IMMP2L: variants seen among roughly 807,000 people sequenced by gnomAD.
The protein encoded by IMMP2L is mitochondrial inner membrane protease subunit 2.
A neutral mutation model predicts 19.3 loss-of-function variants in IMMP2L; 18 were observed. The observed-to-expected ratio is 0.93, with a 90% CI of 0.64 to 1.38. IMMP2L has a LOEUF of 1.38. Among genes scored for constraint, IMMP2L ranks in the 40% most tolerant of loss-of-function variants. The pLI, the probability that IMMP2L is intolerant of heterozygous loss-of-function variation, is 0.00. For synonymous variants in IMMP2L, 76 were observed against 73.0 expected (o/e 1.04, Z -0.21); for missense variants, 233 against 218.2 (o/e 1.07, Z -0.43).
intron 3 of IMMP2L, among the ~76,000 whole-genome samples, chr7:111,104,771 C>A (rs1798358618): frequency 6.6e-6 from 1 of 151,774 alleles, no homozygotes; most frequent in African/African-American, 2.4e-5. Context: ...CACTTCCTAT[C>A]AAATTAAAAA....
At chr7:111,344,159 C>A (rs1403356660) in intron 3 of IMMP2L, among the ~76,000 whole-genome samples, 1 of 152,222 alleles carries the variant, frequency 6.6e-6, no homozygotes, top group East Asian at 1.9e-4. Context: ...CTTAAAATCT[C>A]TCTCAATGAC....
intron 3 of IMMP2L, among the ~76,000 whole-genome samples, chr7:111,121,445 A>G (rs889835271): frequency 1.3e-5 from 2 of 152,222 alleles, no homozygotes; most frequent in African/African-American, 4.8e-5. Flanking sequence ...TTCTCAAAAG[A>G]AGACATTTAT....
intron 3 of IMMP2L, among the ~76,000 whole-genome samples, chr7:111,424,380 C>T (rs1357732467): frequency 6.6e-6 from 1 of 151,704 alleles, no homozygotes; most frequent in Non-Finnish European, 1.5e-5. Context: ...CGTTAATACT[C>T]AGTGTTTGGC....
rs1223596413 is a variant in IMMP2L at position 111,451,283 on chromosome 7, T to C, written c.239+35955A>G. Reference sequence around the variant, plus strand: ...CACACGTATGTTTATTGCGGCATTATTCACAATAGCAAAGACTTGGAACCA... The same window carrying C: ...CACACGTATGTTTATTGCGGCATTACTCACAATAGCAAAGACTTGGAACCA... On this transcript the variant is annotated intron_variant, in intron 3 of 5. Transcript: ENST00000405709. 4.0e-5 allele frequency among the ~76,000 whole-genome samples: 6 copies of C among 150,172 alleles called. No homozygotes were observed. In the East Asian group the frequency reaches 1.2e-3, roughly 29 times the overall value.
At chr7:111,441,720 T>TAAA (rs11312650) in intron 3 of IMMP2L, among the ~76,000 whole-genome samples, 20 of 138,246 alleles carry the variant, frequency 1.4e-4, no homozygotes, top group Admixed American at 6.5e-4. Flanking sequence ...TTCAACTTGT[T>TAAA]AAAAAAAAAA....
At position 111,123,788 on chromosome 7, in the gene IMMP2L, T is replaced by C; in HGVS notation, c.240-160223A>G. ...TTCAGACTCCCCAAGCTGGAATCAC[T>C]CATGCTGAACAGCAATGCTCTCAGT... On this transcript the variant is annotated intron_variant, in intron 3 of 5. Transcript: ENST00000405709. This position sits in a 1 kb window ranked among gnomAD's most constrained non-coding sequence, Gnocchi z 6.4. The C allele has an allele frequency of 6.2e-7, 1 of 1,613,996 alleles. No homozygotes were observed. The highest frequency in any genetic ancestry group is 8.5e-7 in the Non-Finnish European group (1 of 1,179,972).
At position 110,906,057 on chromosome 7, in the gene IMMP2L, G is replaced by A. The variant is rs17158140; in HGVS notation, c.306-19362C>T. On this transcript the variant is annotated intron_variant, in intron 4 of 5. Coordinates refer to ENST00000405709, the MANE Select transcript of IMMP2L (RefSeq NM_032549.4). ...TTGTGACCAAATCTGAGTACAGAAC[G>A]ATTCTAGATTTTTACAAATTTTTCC... is the stretch of plus-strand genomic sequence containing the variant. Among the ~76,000 whole-genome samples, 327 of 152,170 alleles carry A rather than the reference G, an allele frequency of 2.1e-3. 8 individuals are homozygous for A. In the East Asian group the frequency reaches 0.035, roughly 16 times the overall value.
At chr7:110,797,825 C>T (rs1467655428) in intron 5 of IMMP2L, among the ~76,000 whole-genome samples, 2 of 151,952 alleles carry the variant, frequency 1.3e-5, no homozygotes, top group African/African-American at 2.4e-5. Context: ...CATGAAGGAT[C>T]GCAGTGCATG....
intron 5 of IMMP2L, among the ~76,000 whole-genome samples, chr7:110,735,819 C>T (rs1365407744): frequency 8.3e-6 from 1 of 121,064 alleles, no homozygotes; most frequent in South Asian, 2.9e-4. Flanking sequence ...TGCACTCCAG[C>T]CTGGGTGACA....
At chr7:110,866,839 T>G (rs771215643) in intron 5 of IMMP2L, among the ~76,000 whole-genome samples, 5 of 152,102 alleles carry the variant, frequency 3.3e-5, no homozygotes, top group Non-Finnish European at 7.4e-5. Flanking sequence ...GCTTCAGTTC[T>G]GCTTCAGTAC....
chr7:111,557,461 C>G (rs981104294), intron 1 of IMMP2L, among the ~76,000 whole-genome samples: 12 of 152,190 alleles, frequency 7.9e-5, no homozygotes, highest in African/African-American at 2.9e-4. Flanking sequence ...CCAGTATACA[C>G]TATGTTCTCG....
intron 5 of IMMP2L, among the ~76,000 whole-genome samples, chr7:110,688,686 C>T (rs7789832): frequency 0.077 from 11,763 of 151,838 alleles, 514 homozygotes; most frequent in Middle Eastern, 0.14. Flanking sequence ...TGAAATTCTA[C>T]GTAGCCATGA....
At chr7:111,460,951 T>C (rs1220628031) in intron 3 of IMMP2L, among the ~76,000 whole-genome samples, 1 of 152,108 alleles carries the variant, frequency 6.6e-6, no homozygotes, top group Non-Finnish European at 1.5e-5. Context: ...TGCTTGCTTA[T>C]TTGATTCTAT....
At chr7:111,017,581 C>A (rs936147684) in intron 3 of IMMP2L, among the ~76,000 whole-genome samples, 2 of 152,148 alleles carry the variant, frequency 1.3e-5, no homozygotes, top group African/African-American at 2.4e-5. Context: ...ACATCCTCTT[C>A]GTTGTCCTTT....
intron 5 of IMMP2L, among the ~76,000 whole-genome samples, chr7:110,827,592 T>C (rs546255886): frequency 6.6e-6 from 1 of 152,086 alleles, no homozygotes; most frequent in African/African-American, 2.4e-5. Context: ...ACAAATACTG[T>C]AACAGTACTT....
intron 2 of IMMP2L, among the ~76,000 whole-genome samples, chr7:111,506,382 T>G (rs1844904987): frequency 6.6e-6 from 1 of 152,036 alleles, no homozygotes; most frequent in African/African-American, 2.4e-5. Flanking sequence ...GCTCATTCCA[T>G]TCCCCCCAAA....
intron 5 of IMMP2L, among the ~76,000 whole-genome samples, chr7:110,690,199 A>G (rs1180818786): frequency 6.6e-6 from 1 of 152,150 alleles, no homozygotes; most frequent in African/African-American, 2.4e-5. Context: ...AGAATCTCCC[A>G]AACTGTGACA....
rs114580953 is a variant in IMMP2L, at chr7:110,987,603, G to C, written c.240-24038C>G. Among the ~76,000 whole-genome samples the C allele has an allele frequency of 7.6e-3, 1,157 of 152,198 alleles. 16 individuals carry two copies. Among genetic ancestry groups the C allele is most frequent in the African/African-American group, 0.027 (1,115 of 41,532 alleles). The stretch of plus-strand genomic sequence containing the variant: ...AGGCTTCTATGGGAAATTAAACTTT[G>C]GAAACACTAGGATAGAGAAAGGAGA... On this transcript the variant is annotated intron_variant, in intron 3 of 5. Transcript: ENST00000405709.
At chr7:111,281,306 GGAAA>G (rs764971909) in intron 3 of IMMP2L, among the ~76,000 whole-genome samples, 65 of 147,464 alleles carry the variant, frequency 4.4e-4, no homozygotes, top group African/African-American at 8.3e-4. Context: ...AAGGAAGGAA[GGAAA>G]GAAAGAAAGA....
Sources: gnomAD v4.1 joint callset for allele counts (sites outside exome capture counted in the v4.1 genomes callset) on GRCh38, gnomAD v4.1.1 for gene constraint, Gnocchi (gnomAD v3.1) non-coding constraint, MANE v1.5 for transcripts, NCBI Gene and HGNC (gene_info 2026-07-23, HGNC 2026-07-21) for gene names.